SEMA3B: variants seen among roughly 807,000 people sequenced by gnomAD.
SEMA3B encodes the protein semaphorin 3B.
Under a neutral mutation model 77.8 loss-of-function variants are expected in SEMA3B, and 71 were observed. The ratio of observed to expected loss-of-function variants is 0.91; its 90% CI spans 0.75 to 1.11. The LOEUF (loss-of-function observed/expected upper bound fraction) is 1.11, where lower values mean the gene tolerates loss of function less well. Among genes scored for constraint, SEMA3B ranks in the 50% most tolerant of loss-of-function variants. The probability of loss-of-function intolerance (pLI) is 0.00; values close to 1 mark genes in which losing one functional copy is unlikely to be tolerated. For synonymous variants in SEMA3B, 470 were observed against 452.9 expected (o/e 1.04, Z -0.48); for missense variants, 968 against 1,056.8 (o/e 0.92, Z 1.17).
chr3:50,276,860 C>T lies in SEMA3B; in HGVS notation c.*154C>T. The T allele has an allele frequency of 3.4e-6, 3 of 895,292 alleles. No individual in the cohort carries two copies. The highest frequency in any genetic ancestry group is 4.7e-6 in the Non-Finnish European group (3 of 634,558). 55.5% of individuals were successfully genotyped at this position (895,292 alleles called of 1,614,324 possible). On this transcript the variant is annotated 3_prime_UTR_variant, in exon 17 of 17. Coordinates refer to ENST00000616701, the MANE Select transcript of SEMA3B (RefSeq NM_001290060.2). This position sits in a 1 kb window ranked among gnomAD's most constrained non-coding sequence, Gnocchi z 5.8. ...GACAGGCCCTGGCTGAGGGCAGCTG[C>T]GCGGGCTTATTTATTAACAGGATAA...
chr3:50,274,444 C>A lies in SEMA3B; in HGVS notation c.1219C>A (p.Leu407Ile). ...CATCCAGTTTGCGCGGAACCACCCC[C>A]TCATGTACAACTCTGTCCTGCCCAC... is the stretch of plus-strand genomic sequence containing the variant. Reference protein sequence around the residue: ...DVIQFARNHPLMYNSVLPTGG... With the variant: ...DVIQFARNHPIMYNSVLPTGG... The change falls in exon 11 of 17, where the codon CTC (leucine) becomes ATC (isoleucine). Residue 407 changes from leucine to isoleucine, a missense_variant. Leu to Ile is a conservative substitution (Grantham distance 5, BLOSUM62 2). Transcript: ENST00000616701. This position sits in a 1 kb window ranked among gnomAD's most constrained non-coding sequence, Gnocchi z 4.7. The A allele has an allele frequency of 6.5e-7, 1 of 1,533,390 alleles. No homozygotes were observed. Among genetic ancestry groups the A allele is most frequent in the Non-Finnish European group, 8.8e-7 (1 of 1,141,522 alleles). 95.0% of individuals were successfully genotyped at this position (1,533,390 alleles called of 1,614,324 possible).
Position 50,273,760 on chromosome 3 carries a change from G to A in SEMA3B, c.924G>A (p.Gln308=). Residue 308 remains glutamine (Q), a splice_region_variant and synonymous_variant, in exon 9 of 17, where the codon CAG becomes CAA. Coordinates refer to ENST00000616701, the MANE Select transcript of SEMA3B (RefSeq NM_001290060.2). The surrounding 1 kb of genome is among the most constrained non-coding windows in gnomAD (Gnocchi z 6.5). ...VEGDTHFDQL[Q]DVFLLSSRDH... is the part of the protein sequence containing the mutation. ...CCCAGCTAGGCCCCTTCCCCGCAGA[G>A]GATGTGTTTCTGTTGTCCTCGCGGG... 6.2e-7 allele frequency: 1 copy of A among 1,603,092 alleles called. No individual in the cohort carries two copies. Among genetic ancestry groups the A allele is most frequent in the African/African-American group, 1.3e-5 (1 of 74,932 alleles).
chr3:50,268,308 AC>A (rs1700953194), upstream of SEMA3B, among the ~76,000 whole-genome samples: 1 of 152,214 alleles, frequency 6.6e-6, no homozygotes, highest in Non-Finnish European at 1.5e-5. Context: ...CCTGGGTAGC[AC>A]TTCTCCCTCT....
At chr3:50,265,536 C>T (rs782362222), upstream of SEMA3B, among the ~76,000 whole-genome samples, 9 of 152,230 alleles carry the variant, frequency 5.9e-5, no homozygotes, top group Admixed American at 1.3e-4. Context: ...AAGCCAAGGC[C>T]GTGGTAGGCC....
At position 50,271,407 on chromosome 3, in the gene SEMA3B, C is replaced by A; in HGVS notation, c.591C>A (p.Asp197Glu). The change falls in exon 6 of 17, where the codon GAC (aspartate) becomes GAA (glutamate). Residue 197 changes from aspartate (D) to glutamate (E), a missense_variant. Coordinates refer to ENST00000616701, the MANE Select transcript of SEMA3B (RefSeq NM_001290060.2). ...TGGCAGCAGACCTCATGGGACGAGACTTTACCATCTTTCGCAGCCTAGGGC... is the reference window on the plus strand; with the variant it reads ...TGGCAGCAGACCTCATGGGACGAGAATTTACCATCTTTCGCAGCCTAGGGC... ...SGVAADLMGR[D>E]FTIFRSLGQR... The A allele has an allele frequency of 6.3e-7, 1 of 1,591,112 alleles. No individual in the cohort carries two copies. Among genetic ancestry groups the A allele is most frequent in the East Asian group, 2.3e-5 (1 of 43,690 alleles).
In SEMA3B at chr3:50,273,792, G is replaced by A. The variant is rs1221723000; in HGVS notation, c.956G>A (p.Arg319Gln). The A allele has an allele frequency of 1.3e-6, 2 of 1,590,768 alleles. No homozygotes were observed. The highest frequency in any genetic ancestry group is 8.5e-7 in the Non-Finnish European group (1 of 1,170,556). The change falls in exon 9 of 17, where the codon CGG (arginine) becomes CAG (glutamine). Residue 319 changes from arginine (R) to glutamine (Q), a missense_variant. By Grantham distance (43) the Arg-to-Gln change is conservative. Transcript: ENST00000616701. The surrounding 1 kb of genome is among the most constrained non-coding windows in gnomAD (Gnocchi z 6.5). ...DVFLLSSRDH[R>Q]TPLLYAVFST... is the part of the protein sequence containing the mutation. ...TTTCTGTTGTCCTCGCGGGACCACCGGACCCCGCTGCTCTATGCCGTCTTC... is the reference window on the plus strand; with the variant it reads ...TTTCTGTTGTCCTCGCGGGACCACCAGACCCCGCTGCTCTATGCCGTCTTC...
At position 50,275,045 on chromosome 3, in the gene SEMA3B, TC is replaced by T; in HGVS notation, c.1485del (p.Lys496ArgfsTer7). ...SAAVTSMQIS[S>X]KRHQLYVASR... ...CGCTGTCACCAGCATGCAAATTTCT[TC>T]CAAGAGGGTGAGTGACCAGGATGGG... On this transcript the variant is annotated frameshift_variant, in exon 13 of 17. Coordinates refer to ENST00000616701, the MANE Select transcript of SEMA3B (RefSeq NM_001290060.2). LOFTEE classifies it high-confidence loss of function. This position sits in a 1 kb window ranked among gnomAD's most constrained non-coding sequence, Gnocchi z 7.5. 1 of 1,586,950 alleles carries T rather than the reference TC, an allele frequency of 6.3e-7. No homozygotes were observed. The highest frequency in any genetic ancestry group is 8.6e-7 in the Non-Finnish European group (1 of 1,162,846).
At position 50,276,093 on chromosome 3, in the gene SEMA3B, C is replaced by A; in HGVS notation, c.1846-209C>A. 1 of 768,378 alleles carries A rather than the reference C, an allele frequency of 1.3e-6. No individual in the cohort carries two copies. The highest frequency in any genetic ancestry group is 1.9e-5 in the South Asian group (1 of 51,854). 47.6% of individuals were successfully genotyped at this position (768,378 alleles called of 1,614,324 possible). ...CATTAAGGTCCCTGACCACCCCCCA[C>A]CAAGTTCATGTAAACCCCGCCTCTT... On this transcript the variant is annotated intron_variant, in intron 16 of 16. Transcript: ENST00000616701. The surrounding 1 kb of genome is among the most constrained non-coding windows in gnomAD (Gnocchi z 5.8).
chr3:50,275,565 T>G lies in SEMA3B; in HGVS notation c.1655T>G (p.Phe552Cys). 2.5e-6 allele frequency: 4 copies of G among 1,613,652 alleles called. No homozygotes were observed. Among genetic ancestry groups the G allele is most frequent in the Non-Finnish European group, 3.4e-6 (4 of 1,179,874 alleles). Reference protein sequence around the residue: ...TRFQPSAKRRFRRQDVRNGDP... With the variant: ...TRFQPSAKRRCRRQDVRNGDP... ...AGATCGGATGTTCCCCACAGGCGGTTCCGGCGGCAAGACGTAAGGAATGGC... is the reference window on the plus strand; with the variant it reads ...AGATCGGATGTTCCCCACAGGCGGTGCCGGCGGCAAGACGTAAGGAATGGC... The change falls in exon 15 of 17, where the codon TTC (phenylalanine) becomes TGC (cysteine). Residue 552 changes from phenylalanine (F) to cysteine (C), a missense_variant. By Grantham distance (205) the Phe-to-Cys change is radical. Transcript: ENST00000616701. The surrounding 1 kb of genome is among the most constrained non-coding windows in gnomAD (Gnocchi z 7.5).
At chr3:50,269,134 C>T (rs1335864725), upstream of SEMA3B, 11 of 802,040 alleles carry the variant, frequency 1.4e-5, 1 homozygote, top group Middle Eastern at 2.3e-4. This position sits in a 1 kb window ranked among gnomAD's most constrained non-coding sequence, Gnocchi z 4.0. Context: ...CTCCCGCCCT[C>T]GCCCTCACTG....
chr3:50,266,111 C>T (rs587695888), upstream of SEMA3B, among the ~76,000 whole-genome samples: 38 of 152,238 alleles, frequency 2.5e-4, no homozygotes, highest in Admixed American at 2.0e-3. Context: ...GCCCCTGGGC[C>T]TGGAAAAACA....
Position 50,276,277 on chromosome 3 carries a change from G to A in SEMA3B, c.1846-25G>A, listed in dbSNP as rs989337193. On this transcript the variant is annotated intron_variant, in intron 16 of 16. Transcript: ENST00000616701. The surrounding 1 kb of genome is among the most constrained non-coding windows in gnomAD (Gnocchi z 5.8). ...GCCCTGTTCCCGGCCCGACACCCCC[G>A]CCTCACGCTGCCCTCTGCCCGCAGG... The A allele has an allele frequency of 2.1e-6, 3 of 1,456,636 alleles. No individual in the cohort carries two copies. The highest frequency in any genetic ancestry group is 2.5e-5 in the Admixed American group (1 of 40,026). 90.2% of individuals were successfully genotyped at this position (1,456,636 alleles called of 1,614,324 possible). A position where few individuals can be genotyped will look rare whatever the true frequency, so the allele number is the denominator to read the frequency against.
At position 50,273,113 on chromosome 3, in the gene SEMA3B, C is replaced by G. The variant is rs1701102161; in HGVS notation, c.665-185C>G. The G allele has an allele frequency of 1.0e-6, 1 of 959,190 alleles. No homozygotes were observed. Among genetic ancestry groups the G allele is most frequent in the Non-Finnish European group, 1.5e-6 (1 of 667,938 alleles). The allele number at this position is 959,190 out of a possible 1,614,324, so 59.4% of individuals were successfully genotyped here. On this transcript the variant is annotated intron_variant, in intron 6 of 16. Coordinates refer to ENST00000616701, the MANE Select transcript of SEMA3B (RefSeq NM_001290060.2). The surrounding 1 kb of genome is among the most constrained non-coding windows in gnomAD (Gnocchi z 6.5). ...CCCCTCGCGGCTGCTTCTTGCCTCG[C>G]AGGCCCTGATCCTTTGGATTCGGTC...
chr3:50,266,584 C>T (rs1700902750), upstream of SEMA3B: 1 of 152,316 alleles, frequency 6.6e-6, no homozygotes, highest in African/African-American at 2.4e-5. Context: ...ACTGCCCCAT[C>T]AGCCTTGGGA....
rs940328292 is a variant in SEMA3B at position 50,273,173 on chromosome 3, T to C, written c.665-125T>C. ...CGCCAACTGGACATGGTGCTAGAGG[T>C]TGGGTGGTCAGACACTGTGATCCCG... On this transcript the variant is annotated intron_variant, in intron 6 of 16. Coordinates refer to ENST00000616701, the MANE Select transcript of SEMA3B (RefSeq NM_001290060.2). The surrounding 1 kb of genome is among the most constrained non-coding windows in gnomAD (Gnocchi z 6.5). 8.0e-6 allele frequency: 11 copies of C among 1,376,268 alleles called. No homozygotes were observed. The African/African-American group carries it at 8.8e-5, about 11-fold the overall frequency. 85.3% of individuals were successfully genotyped at this position (1,376,268 alleles called of 1,614,324 possible). A position where few individuals can be genotyped will look rare whatever the true frequency, so the allele number is the denominator to read the frequency against.
In SEMA3B at chr3:50,273,408, C is replaced by T; in HGVS notation, c.775C>T (p.Arg259Cys). The change falls in exon 7 of 17, where the codon CGC becomes TGC. Residue 259 changes from arginine (R) to cysteine (C), a missense_variant. By Grantham distance (180) the Arg-to-Cys change is radical. Coordinates refer to ENST00000616701, the MANE Select transcript of SEMA3B (RefSeq NM_001290060.2). The surrounding 1 kb of genome is among the most constrained non-coding windows in gnomAD (Gnocchi z 6.5). Reference sequence around the variant, plus strand: ...GGTAGAGGCGGCGCCGGCACTGGGACGCCTGTCCGTGTCCCGCGTTGGCCA... The same window carrying T: ...GGTAGAGGCGGCGCCGGCACTGGGATGCCTGTCCGTGTCCCGCGTTGGCCA... ...TAVEAAPALG[R>C]LSVSRVGQIC... The T allele has an allele frequency of 1.2e-6, 2 of 1,613,754 alleles. No homozygotes were observed. Among genetic ancestry groups the T allele is most frequent in the Non-Finnish European group, 1.7e-6 (2 of 1,179,832 alleles).
At chr3:50,266,296 G>T (rs1430378557), upstream of SEMA3B, among the ~76,000 whole-genome samples, 1 of 152,172 alleles carries the variant, frequency 6.6e-6, no homozygotes, top group Non-Finnish European at 1.5e-5. Context: ...TACTCCTGGA[G>T]TAGGAAAAGG....
chr3:50,276,095 A>G lies in SEMA3B; in HGVS notation c.1846-207A>G. 1 of 670,046 alleles carries G rather than the reference A, an allele frequency of 1.5e-6. No homozygotes were observed. The highest frequency in any genetic ancestry group is 3.6e-5 in the East Asian group (1 of 28,106). The allele number at this position is 670,046 out of a possible 1,614,324, so 41.5% of individuals were successfully genotyped here. A position where few individuals can be genotyped will look rare whatever the true frequency, so the allele number is the denominator to read the frequency against. Reference sequence around the variant, plus strand: ...TTAAGGTCCCTGACCACCCCCCACCAAGTTCATGTAAACCCCGCCTCTTTC... The same window carrying G: ...TTAAGGTCCCTGACCACCCCCCACCGAGTTCATGTAAACCCCGCCTCTTTC... On this transcript the variant is annotated intron_variant, in intron 16 of 16. Coordinates refer to ENST00000616701, the MANE Select transcript of SEMA3B (RefSeq NM_001290060.2). The surrounding 1 kb of genome is among the most constrained non-coding windows in gnomAD (Gnocchi z 5.8).
At chr3:50,267,933 C>T (rs1378423153), upstream of SEMA3B, among the ~76,000 whole-genome samples, 1 of 152,142 alleles carries the variant, frequency 6.6e-6, no homozygotes, top group Non-Finnish European at 1.5e-5. This position sits in a 1 kb window ranked among gnomAD's most constrained non-coding sequence, Gnocchi z 5.7. Context: ...CTCCTGTGTC[C>T]AGCACCTGCC....
Sources: gnomAD v4.1 joint callset for allele counts (sites outside exome capture counted in the v4.1 genomes callset) on GRCh38, gnomAD v4.1.1 for gene constraint, Gnocchi (gnomAD v3.1) non-coding constraint, MANE v1.5 for transcripts, NCBI Gene and HGNC (gene_info 2026-07-23, HGNC 2026-07-21) for gene names.